VWF: variants seen among roughly 807,000 people sequenced by gnomAD.
VWF encodes von Willebrand factor.
VWF carries 176 observed loss-of-function variants against 308.6 expected under a neutral mutation model. The observed-to-expected ratio is 0.57, with a 90% confidence interval of 0.50 to 0.65. VWF has a LOEUF of 0.65. Among genes scored for constraint, VWF ranks in the 30% least tolerant of loss-of-function variants. The pLI, the probability that VWF is intolerant of heterozygous loss-of-function variation, is 0.00. For synonymous variants in VWF, 1,385 were observed against 1,443.4 expected (o/e 0.96, Z 0.92); for missense variants, 3,146 against 3,648.2 (o/e 0.86, Z 3.55).
At chr12:6,004,716 T>TTATA (rs1377392639) in intron 34 of VWF, among the ~76,000 whole-genome samples, 1 of 81,238 alleles carries the variant, frequency 1.2e-5, no homozygotes, top group Non-Finnish European at 2.5e-5. Flanking sequence ...TATATATAGG[T>TTATA]TATATATAGA....
chr12:6,062,431 A>ACGCC (rs1555198794), intron 13 of VWF, among the ~76,000 whole-genome samples: 1 of 151,884 alleles, frequency 6.6e-6, no homozygotes, highest in African/African-American at 2.4e-5. Context: ...TTCCAGAGAA[A>ACGCC]CAGTGAAAAG....
intron 5 of VWF, among the ~76,000 whole-genome samples, chr12:6,105,236 A>AT (rs535051570): frequency 1.1e-4 from 16 of 150,222 alleles, no homozygotes; most frequent in South Asian, 1.1e-3. Context: ...AATTTATACA[A>AT]TTTTTTTTTT....
rs1356836169 is a variant in VWF at position 6,092,673 on chromosome 12, G to GTGTGTGTA, written c.657+2786_657+2787insTACACACA. ...TGTGTGTGTGTGTGTGTGTGTGTGT[G>GTGTGTGTA]CTGACCAGCATTCCTTCCTGGTAAG... On this transcript the variant is annotated intron_variant, in intron 6 of 51. Transcript: ENST00000261405. Among the ~76,000 whole-genome samples, 861 of 123,494 alleles carry GTGTGTGTA rather than the reference G, an allele frequency of 7.0e-3. 54 individuals are homozygous for GTGTGTGTA. The highest frequency in any genetic ancestry group is 9.5e-3 in the African/African-American group (245 of 25,882). 81.0% of individuals were successfully genotyped at this position (123,494 alleles called of 152,430 possible).
chr12:6,031,375 G>T (rs968064757), intron 21 of VWF, 69 bp downstream of exon 21: 15 of 1,613,430 alleles, frequency 9.3e-6, no homozygotes, highest in Admixed American at 5.0e-5. Flanking sequence ...ATGAATGCTT[G>T]GAAAATGTTC....
chr12:6,007,911 T>C (rs138465852), intron 34 of VWF, among the ~76,000 whole-genome samples: 5,889 of 152,230 alleles, frequency 0.039, 225 homozygotes, highest in East Asian at 0.2. Flanking sequence ...GAGACTACTA[T>C]GAACAACTAC....
intron 6 of VWF, among the ~76,000 whole-genome samples, chr12:6,094,422 A>T (rs1328393285): frequency 6.6e-6 from 1 of 152,222 alleles, no homozygotes; most frequent in African/African-American, 2.4e-5. Context: ...GCCACTTAAG[A>T]AAGAAGTGGC....
chr12:5,972,874 G>A (rs1486765099), intron 43 of VWF, among the ~76,000 whole-genome samples: 8 of 152,110 alleles, frequency 5.3e-5, no homozygotes, highest in African/African-American at 1.9e-4. Context: ...AGGTCTCAGG[G>A]GGTCAGAAAC....
intron 6 of VWF, among the ~76,000 whole-genome samples, chr12:6,081,997 C>T (rs1446064039): frequency 6.6e-6 from 1 of 151,324 alleles, no homozygotes; most frequent in Non-Finnish European, 1.5e-5. Flanking sequence ...AACGCAGTCT[C>T]GCTCTGTCGC....
chr12:6,070,761 G>A (rs904262262), intron 10 of VWF, among the ~76,000 whole-genome samples: 1 of 152,314 alleles, frequency 6.6e-6, no homozygotes, highest in Non-Finnish European at 1.5e-5. Flanking sequence ...GCAAATGGCA[G>A]AGATTGCTCA....
rs146529302 is a variant in VWF, at chr12:5,994,055, G to C, written c.6405C>G (p.Asp2135Glu). 4.3e-6 allele frequency: 7 copies of C among 1,614,064 alleles called. No homozygotes were observed. In the African/African-American group the frequency reaches 9.3e-5, roughly 22 times the overall value. ...PILEEQCLVP[D>E]SSHCQVLLLP... ...AGAGGAGGACCTGGCAGTGGGAGCT[G>C]TCGGGGACAAGACACTGCTCCTCCA... The change falls in exon 37 of 52, where the codon GAC (aspartate) becomes GAG (glutamate). Residue 2135 changes from aspartate (D) to glutamate (E), a missense_variant. Around this residue, in one of 3 missense-constraint regions of VWF, gnomAD observed 989 missense variants for 1,117.4 expected, o/e 0.89. Coordinates refer to ENST00000261405, the MANE Select transcript of VWF (RefSeq NM_000552.5).
chr12:6,072,326 A>G lies in VWF; in HGVS notation c.1109+5T>C. The G allele has an allele frequency of 1.9e-6, 3 of 1,612,934 alleles. No individual in the cohort carries two copies. The African/African-American group carries it at 4.0e-5, about 22-fold the overall frequency. On this transcript the variant is annotated splice_donor_5th_base_variant and intron_variant, in intron 9 of 51. Transcript: ENST00000261405. The stretch of plus-strand genomic sequence containing the variant: ...TCCCAGAGCACGCTGCGCAGCCCCC[A>G]TTACCAGGTGTTGCAGTCTCGAGAG...
At chr12:5,954,641 G>A (rs1943228228) in intron 47 of VWF, among the ~76,000 whole-genome samples, 1 of 152,218 alleles carries the variant, frequency 6.6e-6, no homozygotes, top group East Asian at 1.9e-4. Flanking sequence ...TCAGAAACAA[G>A]AAGCCCCTAA....
At chr12:6,034,852 C>A (rs1316387313) in intron 19 of VWF, 26 bp from the exon 20 acceptor site, 2 of 1,612,416 alleles carry the variant, frequency 1.2e-6, no homozygotes, top group Non-Finnish European at 1.7e-6. Context: ...GCAGAGATGA[C>A]AAGTTGGGCA....
chr12:6,052,660 G>A lies in VWF; in HGVS notation c.2069C>T (p.Pro690Leu). 1 of 1,614,260 alleles carries A rather than the reference G, an allele frequency of 6.2e-7. No homozygotes were observed. The highest frequency in any genetic ancestry group is 8.5e-7 in the Non-Finnish European group (1 of 1,180,050). The stretch of plus-strand genomic sequence containing the variant: ...CCTCTCATCCATGTAGAGCCCTGGG[G>A]GGCAGAAGCAGCCCTCCAGGCAGGC... ...NEACLEGCFCPPGLYMDERGD... is the reference protein window; with the variant it reads ...NEACLEGCFCLPGLYMDERGD... Residue 690 changes from proline (P) to leucine (L), a missense_variant, in exon 16 of 52, where the codon CCC becomes CTC. Coordinates refer to ENST00000261405, the MANE Select transcript of VWF (RefSeq NM_000552.5).
chr12:6,056,488 C>T (rs183113556), intron 15 of VWF, among the ~76,000 whole-genome samples: 3 of 152,172 alleles, frequency 2.0e-5, no homozygotes, highest in Admixed American at 6.5e-5. Context: ...TTAAGGGAGG[C>T]GGAGACCCAG....
chr12:6,035,766 G>A (rs148490427), intron 19 of VWF, among the ~76,000 whole-genome samples: 3 of 152,258 alleles, frequency 2.0e-5, no homozygotes, highest in East Asian at 1.9e-4. Flanking sequence ...GTCTTCCCTG[G>A]GGCCCATCTC....
Position 6,056,648 on chromosome 12 carries a change from C to G in VWF, c.1945+209G>C, listed in dbSNP as rs73036509. The stretch of plus-strand genomic sequence containing the variant: ...AGCCAACCTGTCTTCCTGGAACAGG[C>G]CCGAATCATCAGCCGGTCCCCACCG... On this transcript the variant is annotated intron_variant, in intron 15 of 51. Coordinates refer to ENST00000261405, the MANE Select transcript of VWF (RefSeq NM_000552.5). 0.25 allele frequency among the ~76,000 whole-genome samples: 38,589 copies of G among 152,042 alleles called. 5,068 individuals carry two copies. The highest frequency in any genetic ancestry group is 0.28 in the Non-Finnish European group (19,200 of 67,952).
At position 6,025,991 on chromosome 12, in the gene VWF, G is replaced by A. The variant is rs374126602; in HGVS notation, c.3023C>T (p.Thr1008Ile). 11 of 1,613,960 alleles carry A rather than the reference G, an allele frequency of 6.8e-6. No homozygotes were observed. The highest frequency in any genetic ancestry group is 6.8e-6 in the Non-Finnish European group (8 of 1,179,878). ...TTCCTCCACTTGGAGGTTGCTGCTGGTGAGGTCATTGTTCTGGATGCCATC... is the reference window on the plus strand; with the variant it reads ...TTCCTCCACTTGGAGGTTGCTGCTGATGAGGTCATTGTTCTGGATGCCATC... ...NFDGIQNNDLTSSNLQVEEDP... is the reference protein window; with the variant it reads ...NFDGIQNNDLISSNLQVEEDP... Residue 1008 changes from threonine to isoleucine, a missense_variant, in exon 23 of 52, where the codon ACC becomes ATC. Coordinates refer to ENST00000261405, the MANE Select transcript of VWF (RefSeq NM_000552.5).
intron 6 of VWF, among the ~76,000 whole-genome samples, chr12:6,092,548 C>G (rs556490136): frequency 6.8e-6 from 1 of 147,572 alleles, no homozygotes; most frequent in East Asian, 2.0e-4. Flanking sequence ...CGCGCGTGTG[C>G]CACCATGCCC....
Sources: gnomAD v4.1 joint callset for allele counts (sites outside exome capture counted in the v4.1 genomes callset) on GRCh38, gnomAD v4.1.1 for gene constraint, gnomAD v4.1.1 regional missense constraint, MANE v1.5 for transcripts, NCBI Gene and HGNC (gene_info 2026-07-23, HGNC 2026-07-21) for gene names.